The following ZNF469 variants were observed in gnomAD, a reference collection of about 807,000 sequenced individuals.
ZNF469 encodes the protein zinc finger protein 469.
Under a neutral mutation model 1.0 loss-of-function variants are expected in ZNF469, and 1 was observed. The observed-to-expected ratio is 1.00, with a 90% CI of 0.35 to 4.73. The LOEUF is 4.73. ZNF469 is among the 30% of genes most tolerant of loss of function. ZNF469 has a pLI of 0.16. For synonymous variants in ZNF469, 2,703 were observed against 2,363.4 expected, an observed-to-expected ratio of 1.14 and a Z score of -4.17; for missense variants, 6,100 against 5,356.3, an observed-to-expected ratio of 1.14 and a Z score of -4.33.
At position 88,430,094 on chromosome 16, in the gene ZNF469, G is replaced by T. The variant is rs1378874039; in HGVS notation, c.2624G>T (p.Gly875Val). ...IDVFADEEPS[G>V]PRGPSSGHPL... ...GTCTTCGCGGACGAGGAGCCTTCCG[G>T]CCCCAGAGGTCCCAGCTCCGGACAC... Residue 875 changes from glycine to valine, a missense_variant, in exon 3 of 3, where the codon GGC (glycine) becomes GTC (valine). By Grantham distance (109) the Gly-to-Val change is moderately radical. Coordinates refer to ENST00000565624, the MANE Select transcript of ZNF469 (RefSeq NM_001367624.2). The T allele has an allele frequency of 6.5e-7, 1 of 1,542,410 alleles. No individual in the cohort carries two copies. The highest frequency in any genetic ancestry group is 1.5e-5 in the African/African-American group (1 of 66,224).
the ZNF469 span, among the ~76,000 whole-genome samples, chr16:88,204,648 A>G: frequency 6.6e-6 from 1 of 152,220 alleles, no homozygotes; most frequent in Non-Finnish European, 1.5e-5. Flanking sequence ...GGACCCTGTT[A>G]AGAGGAAATC....
At chr16:88,381,970 T>G (rs2092526358), upstream of ZNF469, among the ~76,000 whole-genome samples, 1 of 152,248 alleles carries the variant, frequency 6.6e-6, no homozygotes, top group African/African-American at 2.4e-5. Flanking sequence ...CAACTTGAAC[T>G]TGCGTAAGTA....
Position 88,429,735 on chromosome 16 carries a change from G to A in ZNF469, c.2265G>A (p.Leu755=). Residue 755 remains leucine, a synonymous_variant, in exon 3 of 3, where the codon CTG becomes CTA. Coordinates refer to ENST00000565624, the MANE Select transcript of ZNF469 (RefSeq NM_001367624.2). The part of the protein sequence containing the change: ...AFLAHRQFCG[L]LLARAKDGHQ... ...TGGCCCACCGGCAGTTCTGTGGCCT[G>A]CTCCTGGCCAGGGCCAAGGATGGCC... 9.1e-6 allele frequency: 14 copies of A among 1,544,686 alleles called. No individual in the cohort carries two copies. Among genetic ancestry groups the A allele is most frequent in the Non-Finnish European group, 1.2e-5 (14 of 1,144,546 alleles).
At chr16:88,246,861 AAGTGAATGAGTGAGTGAATGAATGAGTG>A in the ZNF469 span, among the ~76,000 whole-genome samples, 1 of 136,278 alleles carries the variant, frequency 7.3e-6, no homozygotes, top group African/African-American at 2.9e-5. Context: ...GTGAATGAGC[AAGTGAATGAGTGAGTGAATGAATGAGTG>A]AGTGAATGAG....
the ZNF469 span, among the ~76,000 whole-genome samples, chr16:88,364,724 GAGGCCAAAGC>G: frequency 6.6e-6 from 1 of 152,178 alleles, no homozygotes; most frequent in Admixed American, 6.5e-5. Flanking sequence ...AGCACTTTGG[GAGGCCAAAGC>G]AGGCGGATCA....
chr16:88,112,534 A>G, the ZNF469 span, among the ~76,000 whole-genome samples: 1,602 of 152,236 alleles, frequency 0.011, 28 homozygotes, highest in African/African-American at 0.035. Flanking sequence ...CTGACGATCA[A>G]TGATGCTGAG....
At chr16:88,396,446 A>ATGAAGGGAGGCCGGGCGGAGACCCTCC (rs1904662854) in intron 1 of ZNF469, among the ~76,000 whole-genome samples, 1 of 114,076 alleles carries the variant, frequency 8.8e-6, no homozygotes, top group Non-Finnish European at 1.8e-5. Context: ...GGAGACCCTT[A>ATGAAGGGAGGCCGGGCGGAGACCCTCC]TGAAGGGAGG....
the ZNF469 span, chr16:88,191,882 G>A: frequency 6.6e-6 from 1 of 152,234 alleles, no homozygotes; most frequent in Non-Finnish European, 1.5e-5. Context: ...GGACCCCAGG[G>A]GCCTGCTATG....
At chr16:88,421,217 C>T (rs1905446687) in intron 1 of ZNF469, among the ~76,000 whole-genome samples, 1 of 152,188 alleles carries the variant, frequency 6.6e-6, no homozygotes, top group Non-Finnish European at 1.5e-5. Context: ...CATTCCCCCA[C>T]ACCCCCAGCC....
the ZNF469 span, among the ~76,000 whole-genome samples, chr16:88,322,017 G>A: frequency 1.3e-5 from 2 of 152,242 alleles, no homozygotes; most frequent in African/African-American, 2.4e-5. Context: ...TCTGTGGGAT[G>A]AGAGGGCCCT....
chr16:88,346,193 G>A, the ZNF469 span, among the ~76,000 whole-genome samples: 1 of 152,202 alleles, frequency 6.6e-6, no homozygotes, highest in Non-Finnish European at 1.5e-5. Context: ...TCCCAGGCCC[G>A]ATTCTCCAGT....
the ZNF469 span, among the ~76,000 whole-genome samples, chr16:88,283,229 G>A: frequency 3.3e-5 from 5 of 151,884 alleles, no homozygotes; most frequent in Non-Finnish European, 7.4e-5. Context: ...CAGGATTTCA[G>A]TCACCCGAGG....
chr16:88,255,519 C>T, the ZNF469 span, among the ~76,000 whole-genome samples: 1 of 152,210 alleles, frequency 6.6e-6, no homozygotes, highest in Non-Finnish European at 1.5e-5. Flanking sequence ...CCTCTGCCCC[C>T]ACACAGGCAT....
the ZNF469 span, among the ~76,000 whole-genome samples, chr16:88,302,770 T>A: frequency 3.3e-5 from 5 of 152,140 alleles, no homozygotes; most frequent in African/African-American, 1.2e-4. Flanking sequence ...TCTGTCTGCT[T>A]TCCAGGAACC....
chr16:88,248,553 C>G, the ZNF469 span, among the ~76,000 whole-genome samples: 1 of 152,164 alleles, frequency 6.6e-6, no homozygotes, highest in Admixed American at 6.5e-5. Flanking sequence ...TTCCCCCCAA[C>G]TAATTTTAAC....
chr16:88,385,364 G>A (rs561621853), intron 1 of ZNF469, among the ~76,000 whole-genome samples: 70 of 152,182 alleles, frequency 4.6e-4, no homozygotes, highest in Non-Finnish European at 1.3e-4. Context: ...TTACCAGCCG[G>A]GGATGGTGGC....
Position 88,427,903 on chromosome 16 carries a change from G to T in ZNF469, c.433G>T (p.Ala145Ser), listed in dbSNP as rs1037180222. The change falls in exon 3 of 3, where the codon GCC becomes TCC. Residue 145 changes from alanine (A) to serine (S), a missense_variant. Ala to Ser is a moderately conservative substitution (Grantham distance 99). Coordinates refer to ENST00000565624, the MANE Select transcript of ZNF469 (RefSeq NM_001367624.2). ...ACCAGAGAACCCACAGCTGGAGGCT[G>T]CCCAGCTCCCTGAGGTGGACACCCC... is the stretch of plus-strand genomic sequence containing the variant. Reference protein sequence around the residue: ...ETPENPQLEAAQLPEVDTPQG... With the variant: ...ETPENPQLEASQLPEVDTPQG... 1 of 1,549,686 alleles carries T rather than the reference G, an allele frequency of 6.5e-7. No homozygotes were observed. The highest frequency in any genetic ancestry group is 2.4e-5 in the East Asian group (1 of 40,896).
the ZNF469 span, among the ~76,000 whole-genome samples, chr16:88,312,635 C>T: frequency 6.6e-6 from 1 of 152,176 alleles, no homozygotes; most frequent in Non-Finnish European, 1.5e-5. Flanking sequence ...TTAGAAACAT[C>T]TTTCATGATT....
chr16:88,357,005 T>C, the ZNF469 span, among the ~76,000 whole-genome samples: 1 of 152,212 alleles, frequency 6.6e-6, no homozygotes, highest in Admixed American at 6.5e-5. Context: ...GCCCAGGCAA[T>C]GCTTGTGGGG....
Sources: gnomAD v4.1 joint callset for allele counts (sites outside exome capture counted in the v4.1 genomes callset) on GRCh38, gnomAD v4.1.1 for gene constraint, MANE v1.5 for transcripts, NCBI Gene and HGNC (gene_info 2026-07-23, HGNC 2026-07-21) for gene names.